The following COL23A1 variants were observed in gnomAD, a reference collection of about 807,000 sequenced individuals.
The protein encoded by COL23A1 is collagen alpha-1(XXIII) chain.
COL23A1 carries 97 observed loss-of-function variants against 99.3 expected under a neutral mutation model. The ratio of observed to expected loss-of-function variants is 0.98; its 90% CI spans 0.83 to 1.16. The LOEUF is 1.16. Among genes scored for constraint, COL23A1 ranks in the 50% most tolerant of loss-of-function variants. COL23A1 has a pLI of 0.00. For synonymous variants in COL23A1, 320 were observed against 308.2 expected, an observed-to-expected ratio of 1.04 and a Z score of -0.40; for missense variants, 762 against 757.4, an observed-to-expected ratio of 1.01 and a Z score of -0.07.
chr5:178,385,403 T>A (rs1468866720), intron 2 of COL23A1, among the ~76,000 whole-genome samples: 1 of 152,190 alleles, frequency 6.6e-6, no homozygotes, highest in African/African-American at 2.4e-5. Context: ...TGGAAGCAAA[T>A]GGCCAAAAAT....
At chr5:178,279,135 C>T (rs1311552345) in intron 5 of COL23A1, among the ~76,000 whole-genome samples, 1 of 152,230 alleles carries the variant, frequency 6.6e-6, no homozygotes, top group Non-Finnish European at 1.5e-5. Flanking sequence ...TGCTGTAGCA[C>T]CTGGCACACC....
chr5:178,535,963 C>G (rs988152131), intron 2 of COL23A1, among the ~76,000 whole-genome samples: 1 of 152,248 alleles, frequency 6.6e-6, no homozygotes, highest in Admixed American at 6.5e-5. Flanking sequence ...TCCCAGGACC[C>G]GAGAGGGTCA....
intron 2 of COL23A1, among the ~76,000 whole-genome samples, chr5:178,506,148 G>T (rs1758857644): frequency 6.6e-6 from 1 of 152,242 alleles, no homozygotes; most frequent in Non-Finnish European, 1.5e-5. Flanking sequence ...AACAGCACAG[G>T]CCTGCTCTGG....
At chr5:178,441,106 G>T (rs1247335739) in intron 2 of COL23A1, among the ~76,000 whole-genome samples, 1 of 152,212 alleles carries the variant, frequency 6.6e-6, no homozygotes, top group Admixed American at 6.5e-5. Flanking sequence ...TTGGGACCCA[G>T]AAATTACCCA....
intron 2 of COL23A1, among the ~76,000 whole-genome samples, chr5:178,525,810 T>C (rs988287061): frequency 2.0e-5 from 3 of 152,200 alleles, no homozygotes; most frequent in African/African-American, 7.2e-5. Flanking sequence ...AAAAACTTCA[T>C]TAACATGAAA....
intron 1 of COL23A1, among the ~76,000 whole-genome samples, chr5:178,579,494 C>T (rs577127297): frequency 7.7e-4 from 117 of 152,232 alleles, no homozygotes; most frequent in Non-Finnish European, 1.5e-3. Context: ...TGCTCTGTCG[C>T]CCAGGATAGA....
chr5:178,479,127 C>T (rs777273011), intron 2 of COL23A1, among the ~76,000 whole-genome samples: 9 of 143,578 alleles, frequency 6.3e-5, no homozygotes, highest in Non-Finnish European at 9.4e-5. Context: ...TGATGATGAC[C>T]GTGGTAATGA....
chr5:178,242,540 G>T, intron 25 of COL23A1, 146 bp from the exon 26 acceptor site: 1 of 759,120 alleles, frequency 1.3e-6, no homozygotes. Context: ...CCTAGCTGTA[G>T]GTGATACACT....
chr5:178,393,307 C>A (rs1196485568), intron 2 of COL23A1, among the ~76,000 whole-genome samples: 1 of 152,126 alleles, frequency 6.6e-6, no homozygotes, highest in Admixed American at 6.5e-5. Context: ...AGGACAAATG[C>A]TGGATGAGCC....
intron 4 of COL23A1, 105 bp from the exon 5 acceptor site, chr5:178,288,455 T>A: frequency 1.0e-6 from 1 of 972,956 alleles, no homozygotes; most frequent in Non-Finnish European, 1.7e-6. Context: ...CCCCGACAGC[T>A]GGTTGGTGAC....
At chr5:178,272,825 C>T (rs925134089) in intron 5 of COL23A1, among the ~76,000 whole-genome samples, 15 of 152,132 alleles carry the variant, frequency 9.9e-5, no homozygotes, top group South Asian at 2.1e-4. Flanking sequence ...ACCCTTCCCC[C>T]AGGCCTGACC....
chr5:178,243,553 C>T (rs765134998), intron 25 of COL23A1, among the ~76,000 whole-genome samples: 11 of 151,602 alleles, frequency 7.3e-5, no homozygotes, highest in South Asian at 2.1e-4. Flanking sequence ...CCCTTGTTCA[C>T]GTGTAACGGG....
intron 3 of COL23A1, among the ~76,000 whole-genome samples, chr5:178,296,509 G>A (rs1176247388): frequency 1.3e-5 from 2 of 152,190 alleles, no homozygotes; most frequent in Non-Finnish European, 2.9e-5. Context: ...AGGGGCTGCT[G>A]GGAAGGCACT....
At position 178,366,287 on chromosome 5, in the gene COL23A1, G is replaced by A. The variant is rs976597655; in HGVS notation, c.362-59368C>T. Among the ~76,000 whole-genome samples the A allele has an allele frequency of 4.6e-5, 7 of 152,182 alleles. No homozygotes were observed. The highest frequency in any genetic ancestry group is 1.3e-4 in the Admixed American group (2 of 15,280). ...GGGGAGGGGCACCGCTGCCTTGCCC[G>A]AGGTTCCCTCTGCACCCCACGATGG... On this transcript the variant is annotated intron_variant, in intron 2 of 28. Transcript: ENST00000390654. This position sits in a 1 kb window ranked among gnomAD's most constrained non-coding sequence, Gnocchi z 4.4.
intron 2 of COL23A1, among the ~76,000 whole-genome samples, chr5:178,454,738 T>C (rs1272729362): frequency 9.2e-5 from 14 of 152,248 alleles, no homozygotes; most frequent in Middle Eastern, 3.4e-3. Flanking sequence ...CCTGCCAGAG[T>C]GGCTGAAGAG....
chr5:178,521,605 CTG>C (rs1759950919), intron 2 of COL23A1, among the ~76,000 whole-genome samples: 1 of 150,052 alleles, frequency 6.7e-6, no homozygotes, highest in Admixed American at 6.6e-5. Flanking sequence ...ATGAGGTAAA[CTG>C]TGCATCAATT....
At chr5:178,447,345 C>T (rs1392691784) in intron 2 of COL23A1, among the ~76,000 whole-genome samples, 2 of 152,132 alleles carry the variant, frequency 1.3e-5, no homozygotes, top group African/African-American at 2.4e-5. Flanking sequence ...ATGCCCACCT[C>T]GGCCTTCCAA....
At chr5:178,418,723 GAGA>G (rs1765441559) in intron 2 of COL23A1, among the ~76,000 whole-genome samples, 1 of 152,244 alleles carries the variant, frequency 6.6e-6, no homozygotes, top group South Asian at 2.1e-4. Context: ...GGATTAGAGA[GAGA>G]AGATCAGAAA....
At chr5:178,585,381 A>G (rs1763884197) in intron 1 of COL23A1, among the ~76,000 whole-genome samples, 1 of 151,532 alleles carries the variant, frequency 6.6e-6, no homozygotes, top group African/African-American at 2.4e-5. Flanking sequence ...ACTCTAGGGT[A>G]ACACTCCGCG....
Sources: gnomAD v4.1 joint callset for allele counts (sites outside exome capture counted in the v4.1 genomes callset) on GRCh38, gnomAD v4.1.1 for gene constraint, Gnocchi (gnomAD v3.1) non-coding constraint, MANE v1.5 for transcripts, NCBI Gene and HGNC (gene_info 2026-07-23, HGNC 2026-07-21) for gene names.